The following GLB1 variants were observed in gnomAD, a reference collection of about 807,000 sequenced individuals.
GLB1 encodes galactosidase beta 1.
Under a neutral mutation model 74.0 loss-of-function variants are expected in GLB1, and 56 were observed. That is an observed-to-expected ratio of 0.76 (90% CI 0.61 to 0.94). The LOEUF (loss-of-function observed/expected upper bound fraction) is 0.94. Among genes scored for constraint, GLB1 ranks in the 40% least tolerant of loss-of-function variants. The pLI is 0.00. For missense variants in GLB1, 787 were observed against 845.5 expected (o/e 0.93, Z 0.86); for synonymous variants, 323 against 323.6 (o/e 1.00, Z 0.02).
At chr3:32,981,704 T>C in the GLB1 span, among the ~76,000 whole-genome samples, 16,248 of 151,066 alleles carry the variant, frequency 0.11, 1,120 homozygotes, top group African/African-American at 0.2. Context: ...ACCTGGGAAG[T>C]GGAGGTTGCA....
intron 10 of GLB1, among the ~76,000 whole-genome samples, chr3:33,039,411 A>T (rs990519908): frequency 6.6e-6 from 1 of 152,150 alleles, no homozygotes; most frequent in Non-Finnish European, 1.5e-5. Flanking sequence ...AAAGAAGATG[A>T]GGAATTTCAG....
chr3:33,027,436 C>T lies in GLB1; in HGVS notation c.1069-3111G>A, dbSNP rs998154092. Among the ~76,000 whole-genome samples, 5 of 152,342 alleles carry T rather than the reference C, an allele frequency of 3.3e-5. No homozygotes were observed. The South Asian group carries it at 8.3e-4, about 25-fold the overall frequency. On this transcript the variant is annotated intron_variant, in intron 10 of 15. Transcript: ENST00000307363. ...AGCCTGCCAGGCCGAGTGGGCAGAA[C>T]GAACCCAGTGGGCCCGAGCAAAACT...
chr3:33,039,349 G>A (rs1435514673), intron 10 of GLB1, among the ~76,000 whole-genome samples: 1 of 151,508 alleles, frequency 6.6e-6, no homozygotes, highest in Non-Finnish European at 1.5e-5. Context: ...AGACATCATG[G>A]TATTGGAATA....
chr3:33,054,019 A>AT (rs946928851), intron 6 of GLB1, among the ~76,000 whole-genome samples: 2 of 148,792 alleles, frequency 1.3e-5, no homozygotes, highest in Non-Finnish European at 1.5e-5. Context: ...TCTCAAAAAT[A>AT]TTTTTTTTAT....
chr3:33,087,098 T>C (rs754546556), intron 1 of GLB1, among the ~76,000 whole-genome samples: 3 of 151,536 alleles, frequency 2.0e-5, no homozygotes, highest in Non-Finnish European at 4.4e-5. Context: ...TTATAACTGA[T>C]GACACAGAAA....
At chr3:33,032,117 C>T (rs762330805) in intron 10 of GLB1, among the ~76,000 whole-genome samples, 2 of 152,048 alleles carry the variant, frequency 1.3e-5, no homozygotes, top group Non-Finnish European at 2.9e-5. Flanking sequence ...GACTCTGTCT[C>T]CTTTGTGGGT....
At position 33,093,525 on chromosome 3, in the gene GLB1, G is replaced by A; in HGVS notation, c.75+3486C>T. On this transcript the variant is annotated intron_variant, in intron 1 of 15. Transcript: ENST00000307363. The surrounding 1 kb of genome is among the most constrained non-coding windows in gnomAD (Gnocchi z 6.0). ...CATCCTCACAAACATTTCCATCTTG[G>A]TCCTGCCCACTGTGGGGCCCAAGTG... is the stretch of plus-strand genomic sequence containing the variant. The A allele has an allele frequency of 6.2e-7, 1 of 1,614,178 alleles. No individual in the cohort carries two copies. Among genetic ancestry groups the A allele is most frequent in the South Asian group, 1.1e-5 (1 of 91,080 alleles).
chr3:33,091,570 G>A (rs1289598827), intron 1 of GLB1: 2 of 985,196 alleles, frequency 2.0e-6, no homozygotes, highest in Admixed American at 6.1e-5. Flanking sequence ...TACTGTGCAC[G>A]CTGTGCCATG....
intron 15 of GLB1, among the ~76,000 whole-genome samples, chr3:33,000,308 T>C (rs577438736): frequency 6.6e-6 from 1 of 152,324 alleles, no homozygotes; most frequent in South Asian, 2.1e-4. Flanking sequence ...TATGCATGTG[T>C]CCAACTTTAG....
intron 1 of GLB1, among the ~76,000 whole-genome samples, chr3:33,094,522 A>G (rs1290290418): frequency 6.6e-6 from 1 of 152,242 alleles, no homozygotes; most frequent in African/African-American, 2.4e-5. Flanking sequence ...ATACGTTTAA[A>G]GTTTCTCTAC....
intron 14 of GLB1, among the ~76,000 whole-genome samples, chr3:33,014,855 T>C (rs1054633397): frequency 6.6e-6 from 1 of 152,144 alleles, no homozygotes; most frequent in African/African-American, 2.4e-5. Flanking sequence ...TAATCCCAGA[T>C]ACTCAGGAGG....
At chr3:33,045,572 T>G in intron 10 of GLB1, 1 of 991,210 alleles carries the variant, frequency 1.0e-6, no homozygotes, top group African/African-American at 1.7e-5. Context: ...TTATACACTT[T>G]GGTTACTGGA....
intron 15 of GLB1, 60 bp downstream of exon 15, chr3:33,013,996 C>A: frequency 6.2e-7 from 1 of 1,613,410 alleles, no homozygotes; most frequent in South Asian, 1.1e-5. Context: ...GATTCTTTCT[C>A]AGACACTAAC....
intron 1 of GLB1, among the ~76,000 whole-genome samples, chr3:33,095,936 T>G (rs1701006808): frequency 6.6e-6 from 1 of 152,176 alleles, no homozygotes; most frequent in Non-Finnish European, 1.5e-5. Context: ...GCAAATAATC[T>G]GTGCTGACTT....
At chr3:33,008,755 G>C (rs954570018) in intron 15 of GLB1, among the ~76,000 whole-genome samples, 2 of 152,170 alleles carry the variant, frequency 1.3e-5, no homozygotes, top group East Asian at 1.9e-4. Flanking sequence ...ATTCTACATG[G>C]AGGAGGAATG....
At chr3:32,961,263 C>T in the GLB1 span, among the ~76,000 whole-genome samples, 1 of 152,224 alleles carries the variant, frequency 6.6e-6, no homozygotes, top group African/African-American at 2.4e-5. Flanking sequence ...AGACAGAGAT[C>T]CTTTTCAGAC....
At chr3:33,029,027 A>G (rs567308880) in intron 10 of GLB1, among the ~76,000 whole-genome samples, 2 of 152,278 alleles carry the variant, frequency 1.3e-5, no homozygotes, top group East Asian at 1.9e-4. Context: ...TCATTATAAT[A>G]CAGATATTAA....
At chr3:33,063,250 G>GA (rs11459888) in intron 5 of GLB1, among the ~76,000 whole-genome samples, 36,871 of 151,738 alleles carry the variant, frequency 0.24, 4,570 homozygotes, top group South Asian at 0.33. Flanking sequence ...TAAGAAAGCA[G>GA]AAAAAAAAGG....
intron 13 of GLB1, 98 bp from the exon 14 acceptor site, chr3:33,016,938 T>C (rs1049118700): frequency 1.3e-6 from 2 of 1,548,274 alleles, no homozygotes; most frequent in South Asian, 1.2e-5. Context: ...TTTTCTTGCC[T>C]TGAAGTGTCA....
Sources: gnomAD v4.1 joint callset for allele counts (sites outside exome capture counted in the v4.1 genomes callset) on GRCh38, gnomAD v4.1.1 for gene constraint, Gnocchi (gnomAD v3.1) non-coding constraint, MANE v1.5 for transcripts, NCBI Gene and HGNC (gene_info 2026-07-23, HGNC 2026-07-21) for gene names.